The following DMD variants were observed in gnomAD, a reference collection of about 807,000 sequenced individuals.
DMD encodes dystrophin, also known as mutant dystrophin.
A neutral mutation model predicts 330.1 loss-of-function variants in DMD; 63 were observed. That is an observed-to-expected ratio of 0.19 (90% CI 0.16 to 0.24). The LOEUF is 0.24. Among genes scored for constraint, DMD ranks in the 10% least tolerant of loss-of-function variants. The pLI is 1.00. For synonymous variants in DMD, 1,223 were observed against 959.8 expected, an observed-to-expected ratio of 1.27 and a Z score of -5.07; for missense variants, 3,344 against 2,684.1, an observed-to-expected ratio of 1.25 and a Z score of -5.43.
chrX:31,784,942 C>T (rs1051376801), intron 50 of DMD, among the ~76,000 whole-genome samples: 6 of 111,510 alleles, frequency 5.4e-5, no homozygotes, highest in Non-Finnish European at 1.1e-4. Context: ...TCTGTATATC[C>T]AAAAGAATTA....
intron 74 of DMD, among the ~76,000 whole-genome samples, chrX:31,162,397 A>AAAATAAAC (rs2038945767): frequency 1.0e-5 from 1 of 98,027 alleles, no homozygotes; most frequent in African/African-American, 3.8e-5. Context: ...GGATTGTAAG[A>AAAATAAAC]ACATAAACTC....
At chrX:32,877,683 T>A in intron 2 of DMD, among the ~76,000 whole-genome samples, 1 of 112,075 alleles carries the variant, frequency 8.9e-6, no homozygotes, top group Non-Finnish European at 1.9e-5. Flanking sequence ...GTCTTCAGGC[T>A]AGTAAAGCTG....
At chrX:31,153,178 C>A (rs1189830268) in intron 74 of DMD, among the ~76,000 whole-genome samples, 1 of 111,622 alleles carries the variant, frequency 9.0e-6, no homozygotes, top group Non-Finnish European at 1.9e-5. Context: ...TGGTTCAGGT[C>A]CTGGTTTCAA....
intron 1 of DMD, among the ~76,000 whole-genome samples, chrX:33,149,100 G>T (rs1274273428): frequency 9.1e-6 from 1 of 110,279 alleles, no homozygotes; most frequent in Non-Finnish European, 1.9e-5. Flanking sequence ...CATTTATCAT[G>T]CACTTTATTT....
intron 52 of DMD, among the ~76,000 whole-genome samples, chrX:31,716,860 T>C (rs199966083): frequency 0.13 from 12,376 of 97,077 alleles, 753 homozygotes; most frequent in East Asian, 0.26. Context: ...CACACACATA[T>C]ATATATATAT....
intron 1 of DMD, among the ~76,000 whole-genome samples, chrX:33,181,256 T>A (rs1225657137): frequency 1.8e-5 from 2 of 111,674 alleles, no homozygotes; most frequent in Middle Eastern, 4.6e-3. Flanking sequence ...ATCCAATCAA[T>A]TGATTTTCAT....
At chrX:31,767,868 C>A (rs774036653) in intron 51 of DMD, among the ~76,000 whole-genome samples, 8 of 111,852 alleles carry the variant, frequency 7.2e-5, no homozygotes, top group African/African-American at 2.6e-4. Context: ...ACAACAACAA[C>A]AAAAATTAAA....
At chrX:32,486,821 C>T (rs1157290257) in intron 20 of DMD, among the ~76,000 whole-genome samples, 2 of 105,670 alleles carry the variant, frequency 1.9e-5, no homozygotes, top group Non-Finnish European at 3.9e-5. Context: ...AAACTGGATC[C>T]CTTCCTTACA....
At chrX:33,128,088 C>T in intron 1 of DMD, 1 of 1,190,744 alleles carries the variant, frequency 8.4e-7, no homozygotes, top group Non-Finnish European at 1.1e-6. Flanking sequence ...CTTCTGAATG[C>T]TTGTGGAATT....
intron 7 of DMD, among the ~76,000 whole-genome samples, chrX:32,762,985 A>G (rs1046958967): frequency 8.9e-6 from 1 of 111,868 alleles, no homozygotes; most frequent in Non-Finnish European, 1.9e-5. Flanking sequence ...TTATTTTTCA[A>G]TTAAAATGTA....
chrX:32,819,407 G>C (rs2078035217), intron 5 of DMD, among the ~76,000 whole-genome samples: 1 of 111,072 alleles, frequency 9.0e-6, no homozygotes, highest in East Asian at 2.8e-4. Context: ...CTGTTAGCAA[G>C]ATTTGTTATT....
At chrX:33,228,571 G>A (rs1211031218) in intron 1 of DMD, among the ~76,000 whole-genome samples, 1 of 109,830 alleles carries the variant, frequency 9.1e-6, no homozygotes, top group Non-Finnish European at 1.9e-5. Context: ...CTAGAAGGTT[G>A]GTTAGCAAAA....
At chrX:32,796,059 C>CA (rs1430684821) in intron 7 of DMD, among the ~76,000 whole-genome samples, 1 of 110,182 alleles carries the variant, frequency 9.1e-6, no homozygotes, top group Admixed American at 9.7e-5. Flanking sequence ...GAAGATTTCT[C>CA]AAAAAACTAA....
intron 1 of DMD, among the ~76,000 whole-genome samples, chrX:33,323,611 T>C (rs1355866130): frequency 9.0e-6 from 1 of 111,655 alleles, no homozygotes; most frequent in Admixed American, 9.6e-5. Flanking sequence ...TTTAAAAAAA[T>C]GTGTCCTGTG....
intron 4 of DMD, among the ~76,000 whole-genome samples, chrX:32,826,516 C>A (rs1488114249): frequency 9.0e-6 from 1 of 111,372 alleles, no homozygotes; most frequent in Non-Finnish European, 1.9e-5. Flanking sequence ...ACTACTCGGA[C>A]TTAAAAAGCA....
At chrX:32,668,494 G>T (rs16990570) in intron 9 of DMD, among the ~76,000 whole-genome samples, 7,805 of 111,728 alleles carry the variant, frequency 0.07, 295 homozygotes, top group African/African-American at 0.15. Context: ...GGCTTAAAAG[G>T]TTCCTTCGCA....
intron 76 of DMD, among the ~76,000 whole-genome samples, chrX:31,137,408 T>C (rs182011979): frequency 6.3e-5 from 7 of 111,933 alleles, no homozygotes; most frequent in African/African-American, 2.3e-4. Context: ...ATGCCTAATA[T>C]TTTCTGTGTC....
At chrX:32,930,314 G>A (rs1474174021) in intron 2 of DMD, among the ~76,000 whole-genome samples, 1 of 110,507 alleles carries the variant, frequency 9.0e-6, no homozygotes, top group African/African-American at 3.3e-5. Context: ...TTGAACTACT[G>A]TATGTCGGGG....
chrX:31,870,389 C>T (rs1053457820), intron 48 of DMD, among the ~76,000 whole-genome samples: 1 of 111,831 alleles, frequency 8.9e-6, no homozygotes, highest in South Asian at 3.7e-4. Context: ...CCCCAATCTG[C>T]TAGTCTTCTG....
Sources: gnomAD v4.1 joint callset for allele counts (sites outside exome capture counted in the v4.1 genomes callset) on GRCh38, gnomAD v4.1.1 for gene constraint, MANE v1.5 for transcripts, NCBI Gene and HGNC (gene_info 2026-07-23, HGNC 2026-07-21) for gene names.